Variants in AURKB observed in about 807,000 individuals in gnomAD.
AURKB encodes aurora kinase B.
Under a neutral mutation model 36.5 loss-of-function variants are expected in AURKB, and 28 were observed. The observed-to-expected ratio is 0.77, with a 90% CI of 0.57 to 1.05. The LOEUF (loss-of-function observed/expected upper bound fraction) is 1.05, where lower values mean the gene tolerates loss of function less well. AURKB is among the 50% of genes least tolerant of loss of function. The pLI, the probability that AURKB is intolerant of heterozygous loss-of-function variation, is 0.00. For synonymous variants in AURKB, 175 were observed against 172.9 expected, an observed-to-expected ratio of 1.01 and a Z score of -0.09; for missense variants, 383 against 447.4, an observed-to-expected ratio of 0.86 and a Z score of 1.30.
chr17:8,210,413 C>G (rs959925807), intron 1 of AURKB, 117 bp downstream of exon 1: 2 of 626,188 alleles, frequency 3.2e-6, no homozygotes, highest in Non-Finnish European at 5.6e-6. Flanking sequence ...GCCCTGCTAT[C>G]GTCCCTACCT....
chr17:8,208,824 C>T lies in AURKB; in HGVS notation c.49-984G>A, dbSNP rs533104603. ...CACAGTAGAGAGCTGCGTCAATGAA[C>T]ACCCACAATTCAAGGGGTTTAGCAC... On this transcript the variant is annotated intron_variant, in intron 2 of 8. Coordinates refer to ENST00000585124, the MANE Select transcript of AURKB (RefSeq NM_004217.4). Among the ~76,000 whole-genome samples the T allele has an allele frequency of 1.5e-4, 23 of 152,246 alleles. No homozygotes were observed. The South Asian group carries it at 4.8e-3, about 32-fold the overall frequency.
chr17:8,206,640 C>T lies in AURKB; in HGVS notation c.538-1G>A, dbSNP rs372536216. The T allele has an allele frequency of 2.5e-6, 4 of 1,614,100 alleles. No homozygotes were observed. Among genetic ancestry groups the T allele is most frequent in the Non-Finnish European group, 3.4e-6 (4 of 1,180,048 alleles). On this transcript the variant is annotated splice_acceptor_variant, in intron 6 of 8. Transcript: ENST00000585124. LOFTEE classifies it high-confidence loss of function. This position sits in a 1 kb window ranked among gnomAD's most constrained non-coding sequence, Gnocchi z 4.2. Reference sequence around the variant, plus strand: ...GAGCATCTGCCAACTCCTCCATGATCTGGGAGGGGCAACGACAGGCAATCA... The same window carrying T: ...GAGCATCTGCCAACTCCTCCATGATTTGGGAGGGGCAACGACAGGCAATCA...
At position 8,210,191 on chromosome 17, in the gene AURKB, A is replaced by G. The variant is rs947477963; in HGVS notation, c.34T>C (p.Tyr12His). The stretch of plus-strand genomic sequence containing the variant: ...AAGGGCCTTACCGTCTGTCGGCCGT[A>G]GGGCCAGGGGTAGGAGTTCTCCTTC... ...AQKENSYPWP[Y>H]GRQTAPSGLS... Residue 12 changes from tyrosine (Y) to histidine (H), a missense_variant, in exon 2 of 9, where the codon TAC becomes CAC. By Grantham distance (83) the Tyr-to-His change is moderately conservative. Around this residue, in one of 3 missense-constraint regions of AURKB, gnomAD observed 105 missense variants for 95.7 expected, o/e 1.10. Transcript: ENST00000585124. 1.9e-6 allele frequency: 3 copies of G among 1,612,216 alleles called. No homozygotes were observed. The highest frequency in any genetic ancestry group is 2.5e-6 in the Non-Finnish European group (3 of 1,179,598).
At position 8,207,232 on chromosome 17, in the gene AURKB, C is replaced by A. The variant is rs148364684; in HGVS notation, c.342G>T (p.Glu114Asp). The change falls in exon 5 of 9, where the codon GAG becomes GAT. Residue 114 changes from glutamate (E) to aspartate (D), a missense_variant. By Grantham distance (45) the Glu-to-Asp change is conservative (BLOSUM62 2). Transcript: ENST00000585124. ...GCAGCTGATGCTCCACGCCCTCCTTCTCTATCTGGGACTTGAAGAGGACCT... is the reference window on the plus strand; with the variant it reads ...GCAGCTGATGCTCCACGCCCTCCTTATCTATCTGGGACTTGAAGAGGACCT... ...ALKVLFKSQIEKEGVEHQLRR... is the reference protein window; with the variant it reads ...ALKVLFKSQIDKEGVEHQLRR... 1 of 1,614,178 alleles carries A rather than the reference C, an allele frequency of 6.2e-7. No individual in the cohort carries two copies. Among genetic ancestry groups the A allele is most frequent in the Non-Finnish European group, 8.5e-7 (1 of 1,180,008 alleles).
Position 8,204,920 on chromosome 17 carries a change from G to A in AURKB, c.986C>T (p.Ala329Val), listed in dbSNP as rs573707475. 6.2e-7 allele frequency: 1 copy of A among 1,607,326 alleles called. No homozygotes were observed. Among genetic ancestry groups the A allele is most frequent in the Non-Finnish European group, 8.5e-7 (1 of 1,178,480 alleles). ...AQVSAHPWVR[A>V]NSRRVLPPSA... Reference sequence around the variant, plus strand: ...GGGAGGCAGCACCCTCCGAGAGTTGGCCCGGACCCAAGGGTGGGCTGAGAC... The same window carrying A: ...GGGAGGCAGCACCCTCCGAGAGTTGACCCGGACCCAAGGGTGGGCTGAGAC... Residue 329 changes from alanine (A) to valine (V), a missense_variant, in exon 9 of 9, where the codon GCC (alanine) becomes GTC (valine). By Grantham distance (64) the Ala-to-Val change is moderately conservative. This residue lies in a region of AURKB where 219 missense variants were observed against 252.6 expected (regional missense o/e 0.87). Transcript: ENST00000585124.
At chr17:8,207,497 G>A in intron 4 of AURKB, 74 bp downstream of exon 4, 1 of 1,582,466 alleles carries the variant, frequency 6.3e-7, no homozygotes, top group Non-Finnish European at 8.6e-7. Context: ...CCCGTGCTTA[G>A]GTTTTATCTC....
rs1059456 is a variant in AURKB, at chr17:8,206,843, C to T, written c.444G>A (p.Arg148=). The part of the protein sequence containing the change: ...LRLYNYFYDR[R]RIYLILEYAP... ...CATACTCTAGAATCAAGTAGATCCTCCTCCGGTCATAAAAATAGTTGTAGA... is the reference window on the plus strand; with the variant it reads ...CATACTCTAGAATCAAGTAGATCCTTCTCCGGTCATAAAAATAGTTGTAGA... Residue 148 remains arginine (R), a synonymous_variant, in exon 6 of 9, where the codon AGG becomes AGA. Transcript: ENST00000585124. This position sits in a 1 kb window ranked among gnomAD's most constrained non-coding sequence, Gnocchi z 4.2. The T allele has an allele frequency of 5.0e-6, 8 of 1,614,102 alleles. No homozygotes were observed. The African/African-American group carries it at 8.0e-5, about 16-fold the overall frequency.
At position 8,205,006 on chromosome 17, in the gene AURKB, G is replaced by C; in HGVS notation, c.900C>G (p.Ala300=). 1 of 1,597,622 alleles carries C rather than the reference G, an allele frequency of 6.3e-7. No individual in the cohort carries two copies. Among genetic ancestry groups the C allele is most frequent in the Non-Finnish European group, 8.5e-7 (1 of 1,174,550 alleles). ...LKFPASVPMG[A]QDLISKLLRH... ...TGAGCAGTTTGGAGATGAGGTCCTG[G>C]GCTCCCATGGGCACGGAAGCGGGGA... Residue 300 remains alanine (A), a synonymous_variant, in exon 9 of 9, where the codon GCC becomes GCG. Transcript: ENST00000585124.
In AURKB at chr17:8,210,275, G is replaced by A. The variant is rs1465440248; in HGVS notation, c.-25-26C>T. On this transcript the variant is annotated intron_variant, in intron 1 of 8. Coordinates refer to ENST00000585124, the MANE Select transcript of AURKB (RefSeq NM_004217.4). ...CTGGGCGGAGAAGGGAAACAGCCGT[G>A]AGAAGCAGAGAAAAAGAGAGAGAGA... is the stretch of plus-strand genomic sequence containing the variant. 1.2e-5 allele frequency: 17 copies of A among 1,474,474 alleles called. No homozygotes were observed. In the Admixed American group the frequency reaches 1.8e-4, roughly 15 times the overall value. The allele number at this position is 1,474,474 out of a possible 1,614,324, so 91.3% of individuals were successfully genotyped here.
At position 8,204,932 on chromosome 17, in the gene AURKB, G is replaced by A; in HGVS notation, c.974C>T (p.Pro325Leu). 1 of 1,607,518 alleles carries A rather than the reference G, an allele frequency of 6.2e-7. No homozygotes were observed. Among genetic ancestry groups the A allele is most frequent in the Non-Finnish European group, 8.5e-7 (1 of 1,178,532 alleles). Residue 325 changes from proline to leucine, a missense_variant, in exon 9 of 9, where the codon CCT becomes CTT. Physicochemically the swap from Pro to Leu is moderately conservative, Grantham distance 98 (BLOSUM62 -3). This residue lies in a region of AURKB where 219 missense variants were observed against 252.6 expected (regional missense o/e 0.87). Coordinates refer to ENST00000585124, the MANE Select transcript of AURKB (RefSeq NM_004217.4). ...RLPLAQVSAH[P>L]WVRANSRRVL... ...CCTCCGAGAGTTGGCCCGGACCCAA[G>A]GGTGGGCTGAGACCTGGGCCAGGGG...
At chr17:8,208,448 A>G (rs1597353197) in intron 2 of AURKB, among the ~76,000 whole-genome samples, 1 of 133,948 alleles carries the variant, frequency 7.5e-6, no homozygotes, top group African/African-American at 2.8e-5. Flanking sequence ...AAAATTAGCC[A>G]GGTGTGGTGG....
At chr17:8,210,329 G>T in intron 1 of AURKB, 80 bp from the exon 2 acceptor site, 1 of 1,104,206 alleles carries the variant, frequency 9.1e-7, no homozygotes, top group Non-Finnish European at 1.3e-6. Context: ...CGAGCCGGAA[G>T]CGCTAGCCCG....
intron 8 of AURKB, 50 bp downstream of exon 8, chr17:8,205,166 C>T (rs1173806639): frequency 1.9e-6 from 3 of 1,572,294 alleles, no homozygotes; most frequent in African/African-American, 2.7e-5. Context: ...CCCCCAGCCC[C>T]CCAGCTCCTG....
At chr17:8,208,534 T>C (rs1985679992) in intron 2 of AURKB, among the ~76,000 whole-genome samples, 1 of 151,578 alleles carries the variant, frequency 6.6e-6, no homozygotes, top group Non-Finnish European at 1.5e-5. Context: ...GAGGTTGCAG[T>C]GAGCTGAGAT....
chr17:8,208,636 T>TAAATAAAAAAA (rs1555529408), intron 2 of AURKB, among the ~76,000 whole-genome samples: 12 of 135,766 alleles, frequency 8.8e-5, no homozygotes, highest in Admixed American at 1.4e-4. Context: ...AAATAAAAAA[T>TAAATAAAAAAA]AAATAACCTA....
At chr17:8,209,089 C>T (rs3744783) in intron 2 of AURKB, among the ~76,000 whole-genome samples, 125,152 of 151,066 alleles carry the variant, frequency 0.83, 52,509 homozygotes, top group Non-Finnish European at 0.9. Context: ...GGTGCCATCT[C>T]GGCTCACTGC....
At chr17:8,207,939 C>G (rs1479296697) in intron 2 of AURKB, 99 bp from the exon 3 acceptor site, 1 of 904,448 alleles carries the variant, frequency 1.1e-6, no homozygotes, top group African/African-American at 1.7e-5. Context: ...AAAGAGCCAC[C>G]CACCCACCTA....
chr17:8,207,258 T>C lies in AURKB; in HGVS notation c.316A>G (p.Lys106Glu). The change falls in exon 5 of 9, where the codon AAG (lysine) becomes GAG (glutamate). Residue 106 changes from lysine (K) to glutamate (E), a missense_variant. Lys to Glu is a moderately conservative substitution (Grantham distance 56). Around this residue, in one of 3 missense-constraint regions of AURKB, gnomAD observed 59 missense variants for 99.0 expected, o/e 0.60. Coordinates refer to ENST00000585124, the MANE Select transcript of AURKB (RefSeq NM_004217.4). ...TCTATCTGGGACTTGAAGAGGACCT[T>C]GAGCGCCACGATGAAATGGCTTTTC... ...EKKSHFIVALKVLFKSQIEKE... is the reference protein window; with the variant it reads ...EKKSHFIVALEVLFKSQIEKE... 6.2e-7 allele frequency: 1 copy of C among 1,614,166 alleles called. No individual in the cohort carries two copies. The highest frequency in any genetic ancestry group is 1.7e-5 in the Admixed American group (1 of 60,006).
At chr17:8,205,521 G>T in intron 7 of AURKB, 131 bp from the exon 8 acceptor site, 1 of 1,153,528 alleles carries the variant, frequency 8.7e-7, no homozygotes, top group Non-Finnish European at 1.2e-6. Context: ...CAAGGCCACT[G>T]GAGTGGGGGT....
Sources: gnomAD v4.1 joint callset for allele counts (sites outside exome capture counted in the v4.1 genomes callset) on GRCh38, gnomAD v4.1.1 for gene constraint, gnomAD v4.1.1 regional missense constraint, Gnocchi (gnomAD v3.1) non-coding constraint, MANE v1.5 for transcripts, NCBI Gene and HGNC (gene_info 2026-07-23, HGNC 2026-07-21) for gene names.